MKLN1: variants seen among roughly 807,000 people sequenced by gnomAD.
MKLN1 encodes the protein muskelin 1, also known as muskelin.
MKLN1 carries 18 observed loss-of-function variants against 99.0 expected under a neutral mutation model. The ratio of observed to expected loss-of-function variants is 0.18; its 90% CI spans 0.13 to 0.27. The LOEUF (loss-of-function observed/expected upper bound fraction) is 0.27. Among genes scored for constraint, MKLN1 ranks in the 10% least tolerant of loss-of-function variants. The probability of loss-of-function intolerance (pLI) is 1.00; values close to 1 mark genes in which losing one functional copy is unlikely to be tolerated. For missense variants in MKLN1, 621 were observed against 875.9 expected (o/e 0.71, Z 3.67); for synonymous variants, 288 against 293.2 (o/e 0.98, Z 0.18).
chr7:131,329,298 C>A (rs541440877), intron 1 of MKLN1, among the ~76,000 whole-genome samples: 46 of 152,346 alleles, frequency 3.0e-4, no homozygotes, highest in Non-Finnish European at 5.7e-4. Flanking sequence ...TCAGTAGGAT[C>A]TGGCCCAATG....
chr7:131,327,947 C>G lies in MKLN1; in HGVS notation c.48C>G (p.Leu16=), dbSNP rs767350255. The change falls in exon 1 of 18, where the codon CTC becomes CTG. Residue 16 remains leucine, a synonymous_variant. Transcript: ENST00000352689. The part of the protein sequence containing the change: ...AVAAAPECRL[L]PYALHKWSSF... ...CTGCGGCGCCCGAGTGCCGGCTTCT[C>G]CCCTACGCGCTACACAAGTGGAGCT... 7.4e-6 allele frequency: 12 copies of G among 1,613,806 alleles called. No homozygotes were observed. Among genetic ancestry groups the G allele is most frequent in the Non-Finnish European group, 1.0e-5 (12 of 1,179,876 alleles).
intron 3 of MKLN1, among the ~76,000 whole-genome samples, chr7:131,221,502 CTT>C (rs71174930): frequency 0.23 from 28,394 of 123,944 alleles, 3,422 homozygotes; most frequent in East Asian, 0.51. Context: ...GATCATGCCA[CTT>C]TTTTTTTTTT....
At chr7:131,339,470 C>T (rs545426547) in intron 1 of MKLN1, among the ~76,000 whole-genome samples, 3 of 152,116 alleles carry the variant, frequency 2.0e-5, no homozygotes, top group East Asian at 1.9e-4. Context: ...TTTGGGAGGC[C>T]GAGGTGGGTG....
chr7:131,179,437 T>G (rs1279496025), intron 2 of MKLN1, among the ~76,000 whole-genome samples: 1 of 152,152 alleles, frequency 6.6e-6, no homozygotes, highest in African/African-American at 2.4e-5. Flanking sequence ...TCCATACACT[T>G]CTCTAACTCT....
intron 11 of MKLN1, among the ~76,000 whole-genome samples, chr7:131,445,406 ATC>A (rs1795980791): frequency 6.6e-6 from 1 of 152,104 alleles, no homozygotes. Context: ...AAAAGAAGCA[ATC>A]TCTATTCTCG....
chr7:131,114,938 GAAAA>G (rs762049373), intron 1 of MKLN1, among the ~76,000 whole-genome samples: 1 of 121,088 alleles, frequency 8.3e-6, no homozygotes, highest in East Asian at 2.3e-4. Context: ...TCTGTCTCAA[GAAAA>G]AAAAAAAAAG....
At chr7:131,469,559 A>G (rs1796759978) in intron 15 of MKLN1, among the ~76,000 whole-genome samples, 1 of 152,168 alleles carries the variant, frequency 6.6e-6, no homozygotes, top group South Asian at 2.1e-4. Flanking sequence ...CTCTTAGGGT[A>G]CTGCCTGGTA....
At chr7:131,341,467 A>G (rs1799405429) in intron 1 of MKLN1, among the ~76,000 whole-genome samples, 1 of 152,176 alleles carries the variant, frequency 6.6e-6, no homozygotes, top group Non-Finnish European at 1.5e-5. Flanking sequence ...ATTGGCTTCC[A>G]TTTAGGATGT....
chr7:131,294,535 C>T (rs1334518376), intron 3 of MKLN1, among the ~76,000 whole-genome samples: 4 of 152,112 alleles, frequency 2.6e-5, no homozygotes, highest in East Asian at 1.9e-4. Context: ...ATTAATCTAA[C>T]GTGATAGAAG....
At chr7:131,427,302 G>T (rs192429037) in intron 8 of MKLN1, among the ~76,000 whole-genome samples, 76 of 152,276 alleles carry the variant, frequency 5.0e-4, no homozygotes, top group African/African-American at 1.4e-3. Flanking sequence ...AATGGCAAAA[G>T]GTTTTCTTAA....
chr7:131,300,659 T>C (rs2116619017), intron 3 of MKLN1, among the ~76,000 whole-genome samples: 1 of 143,146 alleles, frequency 7.0e-6, no homozygotes, highest in African/African-American at 2.6e-5. Flanking sequence ...TGCACTCCAG[T>C]GTGAGGTGAC....
At chr7:131,380,010 T>C (rs1793795040) in intron 2 of MKLN1, among the ~76,000 whole-genome samples, 1 of 152,134 alleles carries the variant, frequency 6.6e-6, no homozygotes, top group South Asian at 2.1e-4. Flanking sequence ...CAGGGAGTTA[T>C]AGATTAGAAG....
intron 3 of MKLN1, among the ~76,000 whole-genome samples, chr7:131,233,836 G>A (rs1404011498): frequency 6.6e-6 from 1 of 151,902 alleles, no homozygotes; most frequent in East Asian, 1.9e-4. Flanking sequence ...AAAAAGAGGA[G>A]AAGCCACAAA....
At chr7:131,399,698 TTAAC>T (rs1389784089) in intron 6 of MKLN1, among the ~76,000 whole-genome samples, 5 of 152,316 alleles carry the variant, frequency 3.3e-5, no homozygotes, top group East Asian at 1.9e-4. Context: ...TTACAAATGA[TTAAC>T]TAGCATTAAA....
At chr7:131,484,227 T>A (rs752896855) in intron 17 of MKLN1, among the ~76,000 whole-genome samples, 8 of 152,200 alleles carry the variant, frequency 5.3e-5, no homozygotes, top group Non-Finnish European at 1.2e-4. Flanking sequence ...AAATAAAAGA[T>A]GTGCCTTTGA....
chr7:131,226,149 CCT>C (rs1413222906), intron 3 of MKLN1, among the ~76,000 whole-genome samples: 3 of 152,024 alleles, frequency 2.0e-5, no homozygotes, highest in Non-Finnish European at 4.4e-5. Context: ...TCAAAATACA[CCT>C]CTCTCTTTCC....
intron 2 of MKLN1, among the ~76,000 whole-genome samples, chr7:131,192,704 G>A (rs1796586417): frequency 6.6e-6 from 1 of 151,474 alleles, no homozygotes; most frequent in Non-Finnish European, 1.5e-5. Context: ...ACCACGCCCT[G>A]CTAATTTTTG....
At chr7:131,275,565 ATATTT>A (rs1215797315) in intron 3 of MKLN1, among the ~76,000 whole-genome samples, 3 of 6,606 alleles carry the variant, frequency 4.5e-4, no homozygotes, top group African/African-American at 5.6e-4. Context: ...ATATATATAT[ATATTT>A]TTTTTTTTTT....
At chr7:131,415,608 A>G (rs1794996998) in intron 8 of MKLN1, among the ~76,000 whole-genome samples, 1 of 152,180 alleles carries the variant, frequency 6.6e-6, no homozygotes. Flanking sequence ...TCTCTTTGGA[A>G]AAGGTTCATT....
Sources: gnomAD v4.1 joint callset for allele counts (sites outside exome capture counted in the v4.1 genomes callset) on GRCh38, gnomAD v4.1.1 for gene constraint, MANE v1.5 for transcripts, NCBI Gene and HGNC (gene_info 2026-07-23, HGNC 2026-07-21) for gene names.